CACNA2D3: variants seen among roughly 807,000 people sequenced by gnomAD.
The protein encoded by CACNA2D3 is calcium voltage-gated channel auxiliary subunit alpha2delta 3.
In CACNA2D3, 60 loss-of-function variants were observed where a neutral mutation model predicts 160.6. The ratio of observed to expected loss-of-function variants is 0.37; its 90% CI spans 0.30 to 0.46. The LOEUF (loss-of-function observed/expected upper bound fraction) is 0.46, where lower values mean the gene tolerates loss of function less well. Among genes scored for constraint, CACNA2D3 ranks in the 20% least tolerant of loss-of-function variants. The probability of loss-of-function intolerance (pLI) is 1.00; values close to 1 mark genes in which losing one functional copy is unlikely to be tolerated. For synonymous variants in CACNA2D3, 558 were observed against 492.9 expected (o/e 1.13, Z -1.75); for missense variants, 1,205 against 1,365.0 (o/e 0.88, Z 1.85).
intron 27 of CACNA2D3, among the ~76,000 whole-genome samples, chr3:54,963,514 AT>A (rs1201744150): frequency 6.6e-6 from 1 of 152,222 alleles, no homozygotes; most frequent in Non-Finnish European, 1.5e-5. Flanking sequence ...ATATTATTTA[AT>A]TTTAGTTAAT....
At chr3:54,432,233 A>G (rs1700001054) in intron 4 of CACNA2D3, among the ~76,000 whole-genome samples, 1 of 152,212 alleles carries the variant, frequency 6.6e-6, no homozygotes, top group South Asian at 2.1e-4. Context: ...AGCTATCTCA[A>G]CATTCTGATC....
intron 5 of CACNA2D3, among the ~76,000 whole-genome samples, chr3:54,553,919 T>C (rs1417134372): frequency 1.3e-5 from 2 of 152,188 alleles, no homozygotes; most frequent in Non-Finnish European, 2.9e-5. Flanking sequence ...TGATGGACCT[T>C]GGCATGGGTG....
chr3:54,413,776 A>G (rs1365778639), intron 4 of CACNA2D3, among the ~76,000 whole-genome samples: 1 of 151,336 alleles, frequency 6.6e-6, no homozygotes, highest in African/African-American at 2.4e-5. Flanking sequence ...TCTTTGCTGA[A>G]ATTCTCCATC....
Position 54,319,019 on chromosome 3 carries a change from T to A in CACNA2D3, c.205-1423T>A, listed in dbSNP as rs527987551. Among the ~76,000 whole-genome samples, 109 of 152,270 alleles carry A rather than the reference T, an allele frequency of 7.2e-4. 1 individual carries two copies. Among genetic ancestry groups the A allele is most frequent in the South Asian group, 3.7e-3 (18 of 4,822 alleles). ...GTTTTAGTTTAAGGATCTGAAGAATTCTCTCTTTACATTCGTTGCTTTCCT... is the reference window on the plus strand; with the variant it reads ...GTTTTAGTTTAAGGATCTGAAGAATACTCTCTTTACATTCGTTGCTTTCCT... On this transcript the variant is annotated intron_variant, in intron 2 of 37. Coordinates refer to ENST00000474759, the MANE Select transcript of CACNA2D3 (RefSeq NM_018398.3).
chr3:54,281,578 G>A (rs1361276150), intron 2 of CACNA2D3, among the ~76,000 whole-genome samples: 1 of 152,180 alleles, frequency 6.6e-6, no homozygotes, highest in Non-Finnish European at 1.5e-5. Flanking sequence ...GCGAACAGAT[G>A]TGTGCCCACC....
chr3:54,554,483 T>C (rs907097870), intron 5 of CACNA2D3, among the ~76,000 whole-genome samples: 1 of 152,140 alleles, frequency 6.6e-6, no homozygotes. Flanking sequence ...CCCTGGATAG[T>C]CTCAGGACAG....
chr3:54,883,876 A>G (rs1029684007), intron 21 of CACNA2D3, among the ~76,000 whole-genome samples: 3 of 139,374 alleles, frequency 2.2e-5, no homozygotes, highest in Admixed American at 8.1e-5. Flanking sequence ...TTCTTGTTCC[A>G]TGTTCTCTTT....
At chr3:54,622,568 C>T (rs1468821886) in intron 9 of CACNA2D3, among the ~76,000 whole-genome samples, 1 of 131,718 alleles carries the variant, frequency 7.6e-6, no homozygotes, top group Non-Finnish European at 1.6e-5. Context: ...AGCCACTGCA[C>T]CTGGCCAGTT....
At chr3:54,586,684 C>T (rs564451370) in intron 9 of CACNA2D3, among the ~76,000 whole-genome samples, 1 of 152,290 alleles carries the variant, frequency 6.6e-6, no homozygotes, top group Admixed American at 6.5e-5. Flanking sequence ...ATTGAAATGA[C>T]ATTTATAGAG....
In CACNA2D3 at chr3:54,928,096, C is replaced by T; in HGVS notation, c.2449+28228C>T. On this transcript the variant is annotated intron_variant, in intron 27 of 37. Coordinates refer to ENST00000474759, the MANE Select transcript of CACNA2D3 (RefSeq NM_018398.3). ...TCAAAAGACCATTTATTTAAGCAGC[C>T]CTTCCCCTTGTCTCCATCTGGCTGG... 3 of 597,360 alleles carry T rather than the reference C, an allele frequency of 5.0e-6. 1 individual carries two copies. Among genetic ancestry groups the T allele is most frequent in the South Asian group, 4.5e-5 (2 of 44,068 alleles). 37.0% of individuals were successfully genotyped at this position (597,360 alleles called of 1,614,324 possible).
chr3:55,024,534 T>C (rs358046), intron 35 of CACNA2D3, among the ~76,000 whole-genome samples: 98,437 of 151,852 alleles, frequency 0.65, 32,267 homozygotes, highest in East Asian at 0.77. Context: ...TGAGGGAATC[T>C]GTTTGACCTT....
intron 3 of CACNA2D3, among the ~76,000 whole-genome samples, chr3:54,368,790 C>T (rs923269508): frequency 6.7e-6 from 1 of 149,776 alleles, no homozygotes; most frequent in Non-Finnish European, 1.5e-5. Context: ...CAAGCTCCGC[C>T]TCCTGGGTTC....
intron 5 of CACNA2D3, among the ~76,000 whole-genome samples, chr3:54,519,657 C>G (rs1172611394): frequency 5.3e-5 from 8 of 152,220 alleles, no homozygotes. Flanking sequence ...ATGTAATATA[C>G]TTTCAGCTTG....
At position 54,822,840 on chromosome 3, in the gene CACNA2D3, C is replaced by CTTTCTTTCTTTCT. The variant is rs1559595889; in HGVS notation, c.1398+5973_1398+5985dup. 4.4e-4 allele frequency among the ~76,000 whole-genome samples: 46 copies of CTTTCTTTCTTTCT among 103,774 alleles called. 1 individual carries two copies. The highest frequency in any genetic ancestry group is 1.8e-3 in the African/African-American group (44 of 24,088). The allele number at this position is 103,774 out of a possible 152,430, so 68.1% of individuals were successfully genotyped here. A position where few individuals can be genotyped will look rare whatever the true frequency, so the allele number is the denominator to read the frequency against. ...CTTTCTTTCTTTCTTTCTTTTCTTTCTTTCTTTCTTTCTTTCTTTCTTTTT... is the reference window on the plus strand; with the variant it reads ...CTTTCTTTCTTTCTTTCTTTTCTTTCTTTCTTTCTTTCTTTTCTTTCTTTCTTTCTTTCTTTTT... On this transcript the variant is annotated intron_variant, in intron 14 of 37. Transcript: ENST00000474759.
intron 35 of CACNA2D3, among the ~76,000 whole-genome samples, chr3:55,018,816 G>C (rs1703384383): frequency 6.6e-6 from 1 of 151,964 alleles, no homozygotes; most frequent in African/African-American, 2.4e-5. Flanking sequence ...CAATTGGACA[G>C]TTCCCGTCTG....
intron 11 of CACNA2D3, among the ~76,000 whole-genome samples, chr3:54,728,836 C>A (rs904353388): frequency 6.6e-6 from 1 of 152,186 alleles, no homozygotes; most frequent in Non-Finnish European, 1.5e-5. Flanking sequence ...GAGGGCTTAA[C>A]TTTAAATTTT....
rs146654378 is a variant in CACNA2D3, at chr3:54,646,973, A to C, written c.1167+4732A>C. ...GGTGTGATGAAGCCTTTATGGCCAG[A>C]AACTACAGGCAGCCTTGAATGTGAG... is the stretch of plus-strand genomic sequence containing the variant. On this transcript the variant is annotated intron_variant, in intron 11 of 37. Coordinates refer to ENST00000474759, the MANE Select transcript of CACNA2D3 (RefSeq NM_018398.3). 5.4e-3 allele frequency among the ~76,000 whole-genome samples: 830 copies of C among 152,318 alleles called. 13 individuals are homozygous for C. The highest frequency in any genetic ancestry group is 0.019 in the African/African-American group (793 of 41,566).
chr3:54,341,760 C>G (rs1013984362), intron 3 of CACNA2D3, among the ~76,000 whole-genome samples: 2 of 152,176 alleles, frequency 1.3e-5, no homozygotes, highest in Non-Finnish European at 2.9e-5. Flanking sequence ...ATTATCTTAG[C>G]TTCTGCTATG....
chr3:54,677,522 A>G (rs1239092679), intron 11 of CACNA2D3, among the ~76,000 whole-genome samples: 2 of 151,826 alleles, frequency 1.3e-5, no homozygotes, highest in East Asian at 1.9e-4. Flanking sequence ...TTTGAAAGCA[A>G]TGTATTGATT....
Sources: allele counts gnomAD v4.1 joint callset (sites outside exome capture counted in the v4.1 genomes callset), GRCh38; gene constraint gnomAD v4.1.1; transcripts MANE v1.5; gene names NCBI Gene and HGNC (gene_info 2026-07-23, HGNC 2026-07-21).